Variants in ANKRD50 observed in about 807,000 individuals in gnomAD.
The protein encoded by ANKRD50 is ankyrin repeat domain-containing protein 50.
A neutral mutation model predicts 112.0 loss-of-function variants in ANKRD50; 40 were observed. That is an observed-to-expected ratio of 0.36 (90% confidence interval 0.28 to 0.46). The LOEUF (loss-of-function observed/expected upper bound fraction) is 0.46. ANKRD50 is among the 20% of genes least tolerant of loss of function. The pLI, the probability that ANKRD50 is intolerant of heterozygous loss-of-function variation, is 1.00. For synonymous variants in ANKRD50, 613 were observed against 619.1 expected (o/e 0.99, Z 0.15); for missense variants, 1,487 against 1,701.7 (o/e 0.87, Z 2.22).
intron 2 of ANKRD50, among the ~76,000 whole-genome samples, chr4:124,708,561 G>T (rs1725556209): frequency 6.6e-6 from 1 of 151,606 alleles, no homozygotes; most frequent in Admixed American, 6.6e-5. Flanking sequence ...TCACTATATG[G>T]GTAATCTGAA....
rs1000686797 is a variant in ANKRD50 at position 124,666,627 on chromosome 4, T to C, written c.*891A>G. ...ATGAATTATTCAGGGATCAAAAATC[T>C]ACCCTTAGATAGACAGGTGCATTTC... On this transcript the variant is annotated 3_prime_UTR_variant, in exon 5 of 5. Transcript: ENST00000504087. 1 of 152,402 alleles carries C rather than the reference T, an allele frequency of 6.6e-6. No homozygotes were observed. The highest frequency in any genetic ancestry group is 2.4e-5 in the African/African-American group (1 of 41,430). 9.4% of individuals were successfully genotyped at this position (152,402 alleles called of 1,614,324 possible). A position where few individuals can be genotyped will look rare whatever the true frequency, so the allele number is the denominator to read the frequency against.
chr4:124,711,315 A>G (rs1034984099), intron 1 of ANKRD50, 41 bp from the exon 2 acceptor site: 2 of 152,280 alleles, frequency 1.3e-5, no homozygotes, highest in Non-Finnish European at 2.9e-5. Context: ...GCAAAATATC[A>G]TATGTTAAAA....
chr4:124,687,842 A>G (rs952787141), intron 2 of ANKRD50, among the ~76,000 whole-genome samples: 1 of 152,228 alleles, frequency 6.6e-6, no homozygotes, highest in Non-Finnish European at 1.5e-5. Context: ...AATTGTGCAA[A>G]TAAGTAAAAA....
chr4:124,669,805 T>C lies in ANKRD50; in HGVS notation c.3472A>G (p.Thr1158Ala), dbSNP rs2110506818. The C allele has an allele frequency of 6.2e-7, 1 of 1,613,106 alleles. No individual in the cohort carries two copies. Among genetic ancestry groups the C allele is most frequent in the Non-Finnish European group, 8.5e-7 (1 of 1,179,676 alleles). The change falls in exon 4 of 5, where the codon ACT becomes GCT. Residue 1158 changes from threonine to alanine, a missense_variant. Physicochemically the swap from Thr to Ala is moderately conservative, Grantham distance 58. Coordinates refer to ENST00000504087, the MANE Select transcript of ANKRD50 (RefSeq NM_020337.3). ...PSLRGLPNGP[T>A]HAFSSPSESP... is the part of the protein sequence containing the mutation. ...TCTGAAGGAGAACTAAAAGCATGAG[T>C]AGGCCCATTAGGTAAACCACGTAAC...
intron 3 of ANKRD50, among the ~76,000 whole-genome samples, chr4:124,675,455 C>A (rs573354617): frequency 1.3e-5 from 2 of 151,622 alleles, no homozygotes; most frequent in African/African-American, 4.8e-5. Context: ...AATATGTAGG[C>A]ATTAAAATAG....
chr4:124,672,648 A>G (rs1730690566), intron 3 of ANKRD50, 114 bp from the exon 4 acceptor site: 1 of 737,840 alleles, frequency 1.4e-6, no homozygotes. Flanking sequence ...AATTAATACT[A>G]ATAAGCAGAT....
chr4:124,695,916 G>C (rs1451319936), intron 2 of ANKRD50, among the ~76,000 whole-genome samples: 1 of 147,914 alleles, frequency 6.8e-6, no homozygotes, highest in Non-Finnish European at 1.5e-5. Context: ...TTGTTACTTT[G>C]TTTTAATTAG....
In ANKRD50 at chr4:124,670,275, T is replaced by C; in HGVS notation, c.3002A>G (p.Tyr1001Cys). ...HMEMVQVLIAYHADVNAADNE... is the reference protein window; with the variant it reads ...HMEMVQVLIACHADVNAADNE... ...GTCTGCAGCATTGACGTCAGCATGG[T>C]ATGCTATCAGGACCTGCACCATTTC... Residue 1001 changes from tyrosine (Y) to cysteine (C), a missense_variant, in exon 4 of 5, where the codon TAC (tyrosine) becomes TGC (cysteine). This residue lies in a region of ANKRD50 where 1,046 missense variants were observed against 1,269.5 expected (regional missense o/e 0.82). Transcript: ENST00000504087. 1 of 1,613,944 alleles carries C rather than the reference T, an allele frequency of 6.2e-7. No homozygotes were observed. Among genetic ancestry groups the C allele is most frequent in the Non-Finnish European group, 8.5e-7 (1 of 1,179,906 alleles).
intron 2 of ANKRD50, among the ~76,000 whole-genome samples, chr4:124,704,067 A>G (rs191106072): frequency 6.6e-6 from 1 of 152,306 alleles, no homozygotes; most frequent in African/African-American, 2.4e-5. Flanking sequence ...TTTGTATCTT[A>G]AAGTAGAAAG....
At position 124,666,771 on chromosome 4, in the gene ANKRD50, T is replaced by C. The variant is rs1282642602; in HGVS notation, c.*747A>G. The C allele has an allele frequency of 1.3e-5, 2 of 152,416 alleles. No individual in the cohort carries two copies. Among genetic ancestry groups the C allele is most frequent in the Non-Finnish European group, 2.9e-5 (2 of 67,916 alleles). 9.4% of individuals were successfully genotyped at this position (152,416 alleles called of 1,614,324 possible). ...AAAGTGAATGGAAGATGAAATTGTA[T>C]CCCAGCGGATGAAATAGGACTTTGT... On this transcript the variant is annotated 3_prime_UTR_variant, in exon 5 of 5. Coordinates refer to ENST00000504087, the MANE Select transcript of ANKRD50 (RefSeq NM_020337.3).
Position 124,693,581 on chromosome 4 carries a change from G to A in ANKRD50, c.513-14676C>T, listed in dbSNP as rs188786699. 2.5e-3 allele frequency among the ~76,000 whole-genome samples: 380 copies of A among 152,062 alleles called. 1 individual carries two copies. The highest frequency in any genetic ancestry group is 3.7e-3 in the South Asian group (18 of 4,818). ...TTTATTCAGTTACCCCTTATACTAC[G>A]CTAAATGCAGAATTATGATTTTTAA... On this transcript the variant is annotated intron_variant, in intron 2 of 4. Transcript: ENST00000504087.
chr4:124,670,591 C>G lies in ANKRD50; in HGVS notation c.2686G>C (p.Val896Leu). Residue 896 changes from valine (V) to leucine (L), a missense_variant, in exon 4 of 5, where the codon GTT (valine) becomes CTT (leucine). Coordinates refer to ENST00000504087, the MANE Select transcript of ANKRD50 (RefSeq NM_020337.3). ...GATTTGTTTTCCAGTAATATTTGAA[C>G]ACAATCATAATGACCCTCTTGTGAA... is the stretch of plus-strand genomic sequence containing the variant. ...LASQEGHYDC[V>L]QILLENKSNI... 1.9e-6 allele frequency: 3 copies of G among 1,613,048 alleles called. No individual in the cohort carries two copies. Among genetic ancestry groups the G allele is most frequent in the Non-Finnish European group, 2.5e-6 (3 of 1,179,694 alleles).
rs1730521940 is a variant in ANKRD50 at position 124,667,447 on chromosome 4, C to G, written c.*71G>C. ...TTTGTTTTTTCAGCAAATCAACAGG[C>G]ATATGTTTCCATCCAGTAGCTGAAG... On this transcript the variant is annotated 3_prime_UTR_variant, in exon 5 of 5. Coordinates refer to ENST00000504087, the MANE Select transcript of ANKRD50 (RefSeq NM_020337.3). 6.6e-6 allele frequency: 1 copy of G among 151,956 alleles called. No individual in the cohort carries two copies. The highest frequency in any genetic ancestry group is 2.4e-5 in the African/African-American group (1 of 41,412). The allele number at this position is 151,956 out of a possible 1,614,324, so 9.4% of individuals were successfully genotyped here.
intron 2 of ANKRD50, 109 bp from the exon 3 acceptor site, chr4:124,679,014 G>C: frequency 1.2e-6 from 1 of 837,860 alleles, no homozygotes; most frequent in Non-Finnish European, 1.8e-6. Context: ...AATAAAATAA[G>C]GTATTAGAAC....
At chr4:124,707,567 T>C (rs968267335) in intron 2 of ANKRD50, among the ~76,000 whole-genome samples, 26 of 152,114 alleles carry the variant, frequency 1.7e-4, no homozygotes, top group African/African-American at 6.3e-4. Context: ...AGTTCCCTAA[T>C]TAATATCATG....
At chr4:124,696,578 G>A (rs2110522917) in intron 2 of ANKRD50, among the ~76,000 whole-genome samples, 1 of 152,096 alleles carries the variant, frequency 6.6e-6, no homozygotes, top group African/African-American at 2.4e-5. Context: ...TGTCATGCCA[G>A]AAATCCATAG....
chr4:124,685,227 C>G (rs1724982763), intron 2 of ANKRD50, among the ~76,000 whole-genome samples: 1 of 152,182 alleles, frequency 6.6e-6, no homozygotes, highest in Admixed American at 6.5e-5. Flanking sequence ...ATCTTGTGCA[C>G]TGTTAAATTT....
chr4:124,709,324 C>T (rs1338716790), intron 2 of ANKRD50, among the ~76,000 whole-genome samples: 1 of 152,084 alleles, frequency 6.6e-6, no homozygotes, highest in Non-Finnish European at 1.5e-5. Context: ...GCAACTTGCT[C>T]ACTTCCTGGA....
rs561407689 is a variant in ANKRD50 at position 124,682,189 on chromosome 4, G to A, written c.513-3284C>T. On this transcript the variant is annotated intron_variant, in intron 2 of 4. Coordinates refer to ENST00000504087, the MANE Select transcript of ANKRD50 (RefSeq NM_020337.3). ...AAATTAGCCGGGCGCGGTGGCAGGC[G>A]CCTGTAGTCCCAGCTCCTTGGGAGG... Among the ~76,000 whole-genome samples, 370 of 151,918 alleles carry A rather than the reference G, an allele frequency of 2.4e-3. 2 individuals are homozygous for A. Among genetic ancestry groups the A allele is most frequent in the African/African-American group, 8.4e-3 (346 of 41,420 alleles).
Sources: allele counts gnomAD v4.1 joint callset (sites outside exome capture counted in the v4.1 genomes callset), GRCh38; gene constraint gnomAD v4.1.1; regional missense constraint gnomAD v4.1.1; transcripts MANE v1.5; gene names NCBI Gene and HGNC (gene_info 2026-07-23, HGNC 2026-07-21).